NEGR1: variants seen among roughly 807,000 people sequenced by gnomAD.
NEGR1 encodes the protein IgLON family member 4.
NEGR1 carries 10 observed loss-of-function variants against 40.9 expected under a neutral mutation model. That is an observed-to-expected ratio of 0.24 (90% CI 0.15 to 0.42). The LOEUF (loss-of-function observed/expected upper bound fraction) is 0.42, where lower values mean the gene tolerates loss of function less well. Ranked by LOEUF, NEGR1 falls within the 10% of genes least tolerant of loss-of-function variation. The probability of loss-of-function intolerance (pLI) is 1.00; values close to 1 mark genes in which losing one functional copy is unlikely to be tolerated. For synonymous variants in NEGR1, 185 were observed against 166.8 expected, an observed-to-expected ratio of 1.11 and a Z score of -0.84; for missense variants, 352 against 438.9, an observed-to-expected ratio of 0.80 and a Z score of 1.77.
intron 1 of NEGR1, among the ~76,000 whole-genome samples, chr1:72,149,052 G>A (rs979697878): frequency 3.9e-5 from 6 of 152,102 alleles, no homozygotes; most frequent in Non-Finnish European, 8.8e-5. Flanking sequence ...CTTTCATGCT[G>A]CTGATAAAGA....
chr1:71,731,677 C>A (rs1041992254), intron 3 of NEGR1, among the ~76,000 whole-genome samples: 1 of 152,066 alleles, frequency 6.6e-6, no homozygotes, highest in Non-Finnish European at 1.5e-5. Context: ...ACTGGACTTG[C>A]CGAAAGTGAT....
At chr1:72,029,651 G>A (rs906465360) in intron 1 of NEGR1, among the ~76,000 whole-genome samples, 1 of 152,032 alleles carries the variant, frequency 6.6e-6, no homozygotes, top group Non-Finnish European at 1.5e-5. Flanking sequence ...AGAATTATTC[G>A]AACTTTTACA....
chr1:71,431,970 G>A (rs1455887790), intron 6 of NEGR1, among the ~76,000 whole-genome samples: 1 of 152,164 alleles, frequency 6.6e-6, no homozygotes, highest in Non-Finnish European at 1.5e-5. Context: ...GTAGGAGCAT[G>A]CTTGGTGTGT....
chr1:72,189,448 T>A (rs1239973849), intron 1 of NEGR1, among the ~76,000 whole-genome samples: 1 of 151,534 alleles, frequency 6.6e-6, no homozygotes, highest in Non-Finnish European at 1.5e-5. Context: ...TTTGAAAACA[T>A]CTTCTTGACT....
At chr1:72,088,803 T>C (rs1648334346) in intron 1 of NEGR1, among the ~76,000 whole-genome samples, 2 of 40,642 alleles carry the variant, frequency 4.9e-5, no homozygotes, top group Admixed American at 3.0e-4. Context: ...TCTCTTTTTT[T>C]TTTTTTTTTT....
At position 71,403,827 on chromosome 1, in the gene NEGR1, A is replaced by G; in HGVS notation, c.*3619T>C. The G allele has an allele frequency of 2.6e-6, 1 of 381,800 alleles. No individual in the cohort carries two copies. The highest frequency in any genetic ancestry group is 4.7e-6 in the Non-Finnish European group (1 of 213,896). 23.7% of individuals were successfully genotyped at this position (381,800 alleles called of 1,614,324 possible). On this transcript the variant is annotated 3_prime_UTR_variant, in exon 7 of 7. Coordinates refer to ENST00000357731, the MANE Select transcript of NEGR1 (RefSeq NM_173808.3). ...TGAAATATGGATGTTTTACTAAAAG[A>G]CAGGAAGAGCTTTTTCCAGTCTTTA... is the stretch of plus-strand genomic sequence containing the variant.
chr1:71,901,020 T>C (rs1570480113), intron 2 of NEGR1, among the ~76,000 whole-genome samples: 1 of 152,200 alleles, frequency 6.6e-6, no homozygotes, highest in South Asian at 2.1e-4. Flanking sequence ...AAGTAAATGA[T>C]TTGAACACAG....
At chr1:71,686,899 A>C (rs1315020959) in intron 4 of NEGR1, among the ~76,000 whole-genome samples, 1 of 152,274 alleles carries the variant, frequency 6.6e-6, no homozygotes, top group South Asian at 2.1e-4. Flanking sequence ...GGGTTTGCAA[A>C]CCCAATATGC....
At chr1:71,625,972 T>G (rs1219666543) in intron 4 of NEGR1, among the ~76,000 whole-genome samples, 1 of 151,932 alleles carries the variant, frequency 6.6e-6, no homozygotes, top group Non-Finnish European at 1.5e-5. Flanking sequence ...TGGCAACATA[T>G]TCTAATAGGA....
intron 1 of NEGR1, among the ~76,000 whole-genome samples, chr1:72,049,630 A>G (rs1043707683): frequency 1.3e-5 from 2 of 151,504 alleles, no homozygotes; most frequent in Admixed American, 6.6e-5. Flanking sequence ...TGTGTTTCCC[A>G]TTGTCATTGT....
chr1:71,967,015 GGTT>G (rs1178823752), intron 1 of NEGR1, among the ~76,000 whole-genome samples: 2 of 151,980 alleles, frequency 1.3e-5, no homozygotes, highest in Non-Finnish European at 2.9e-5. Context: ...CAACCAGCTG[GGTT>G]GTTAATACAG....
chr1:71,688,038 A>T (rs980418978), intron 4 of NEGR1, among the ~76,000 whole-genome samples: 2 of 151,812 alleles, frequency 1.3e-5, no homozygotes, highest in Non-Finnish European at 2.9e-5. Context: ...TTATTCTATC[A>T]ACATACATTG....
intron 4 of NEGR1, among the ~76,000 whole-genome samples, chr1:71,617,776 G>A (rs1387770458): frequency 6.6e-6 from 1 of 152,174 alleles, no homozygotes; most frequent in East Asian, 1.9e-4. Flanking sequence ...ACAGCTCTGT[G>A]AGGAGATGGA....
At chr1:71,709,916 C>G (rs1048991298) in intron 3 of NEGR1, among the ~76,000 whole-genome samples, 1 of 152,074 alleles carries the variant, frequency 6.6e-6, no homozygotes, top group East Asian at 1.9e-4. Context: ...ATACGGTCAA[C>G]CCAGCAAAGG....
At chr1:71,956,651 T>C (rs1646122017) in intron 1 of NEGR1, among the ~76,000 whole-genome samples, 1 of 152,178 alleles carries the variant, frequency 6.6e-6, no homozygotes, top group Non-Finnish European at 1.5e-5. Flanking sequence ...TATCTGTCAA[T>C]ACATATCAGT....
intron 1 of NEGR1, among the ~76,000 whole-genome samples, chr1:72,043,338 C>T (rs1646972426): frequency 6.6e-6 from 1 of 151,812 alleles, no homozygotes; most frequent in African/African-American, 2.4e-5. Context: ...AAATAACCAG[C>T]ATTGCCTTTG....
In NEGR1 at chr1:71,592,851, C is replaced by T. The variant is rs1385462478; in HGVS notation, c.906G>A (p.Lys302=). 1 of 1,613,370 alleles carries T rather than the reference C, an allele frequency of 6.2e-7. No homozygotes were observed. The change falls in exon 6 of 7, where the codon AAG becomes AAA. Residue 302 remains lysine, a synonymous_variant. Transcript: ENST00000357731. The part of the protein sequence containing the change: ...FGNYTCVAAN[K]LGTTNASLPL... ...GCAGGCTCGCATTGGTTGTGCCTAG[C>T]TTGTTGGCAGCCACACAGGTATAAT... is the stretch of plus-strand genomic sequence containing the variant.
At chr1:71,587,059 AC>A (rs1239189453) in intron 6 of NEGR1, among the ~76,000 whole-genome samples, 4 of 151,928 alleles carry the variant, frequency 2.6e-5, no homozygotes, top group Non-Finnish European at 5.9e-5. Flanking sequence ...CAAAATGAAA[AC>A]CCCATCTCCT....
intron 1 of NEGR1, among the ~76,000 whole-genome samples, chr1:71,962,945 T>C (rs1646178468): frequency 6.6e-6 from 1 of 152,002 alleles, no homozygotes; most frequent in Non-Finnish European, 1.5e-5. Flanking sequence ...TTAAAAACAA[T>C]GTATGCTTAT....
Sources: gnomAD v4.1 joint callset for allele counts (sites outside exome capture counted in the v4.1 genomes callset) on GRCh38, gnomAD v4.1.1 for gene constraint, MANE v1.5 for transcripts, NCBI Gene and HGNC (gene_info 2026-07-23, HGNC 2026-07-21) for gene names.